Variants in IGF2R observed in about 807,000 individuals in gnomAD.
IGF2R encodes the protein insulin like growth factor 2 receptor.
IGF2R carries 91 observed loss-of-function variants against 270.6 expected under a neutral mutation model. That is an observed-to-expected ratio of 0.34 (90% CI 0.28 to 0.40). The LOEUF is 0.40. Among genes scored for constraint, IGF2R ranks in the 10% least tolerant of loss-of-function variants. The pLI is 1.00. For synonymous variants in IGF2R, 1,316 were observed against 1,258.9 expected, an observed-to-expected ratio of 1.05 and a Z score of -0.96; for missense variants, 2,805 against 3,188.3, an observed-to-expected ratio of 0.88 and a Z score of 2.90.
chr6:159,998,908 A>T lies in IGF2R; in HGVS notation c.289+7585A>T, dbSNP rs1392511920. 6.6e-6 allele frequency among the ~76,000 whole-genome samples: 1 copy of T among 152,250 alleles called. No homozygotes were observed. The highest frequency in any genetic ancestry group is 2.1e-4 in the South Asian group (1 of 4,836). On this transcript the variant is annotated intron_variant, in intron 2 of 47. Coordinates refer to ENST00000356956, the MANE Select transcript of IGF2R (RefSeq NM_000876.4). The surrounding 1 kb of genome is among the most constrained non-coding windows in gnomAD (Gnocchi z 4.1). Reference sequence around the variant, plus strand: ...AAAAGTAAAATATCTCATTTAATTCATTCAACAACCCTTTAAAGTAGGTGA... The same window carrying T: ...AAAAGTAAAATATCTCATTTAATTCTTTCAACAACCCTTTAAAGTAGGTGA...
At chr6:160,090,923 G>C (rs1169909740) in intron 44 of IGF2R, among the ~76,000 whole-genome samples, 1 of 149,498 alleles carries the variant, frequency 6.7e-6, no homozygotes, top group Non-Finnish European at 1.5e-5. Context: ...AGGAGCAGGT[G>C]CTCCGTGCCC....
intron 41 of IGF2R, among the ~76,000 whole-genome samples, chr6:160,086,733 G>A (rs1431659586): frequency 6.6e-6 from 1 of 152,190 alleles, no homozygotes; most frequent in Non-Finnish European, 1.5e-5. Context: ...TGAGTTTGGG[G>A]CAGGCCTGAG....
intron 10 of IGF2R, among the ~76,000 whole-genome samples, chr6:160,038,545 T>C (rs1341998179): frequency 1.3e-5 from 2 of 152,250 alleles, no homozygotes; most frequent in Non-Finnish European, 1.5e-5. Flanking sequence ...CTTACACGTT[T>C]TTCTTCACGT....
At chr6:159,988,854 T>C (rs1783932178) in intron 1 of IGF2R, among the ~76,000 whole-genome samples, 1 of 152,162 alleles carries the variant, frequency 6.6e-6, no homozygotes, top group Non-Finnish European at 1.5e-5. Flanking sequence ...TACTCTCCTG[T>C]GCCTCCCGCA....
rs537695544 is a variant in IGF2R, at chr6:160,000,399, C to T, written c.290-8611C>T. On this transcript the variant is annotated intron_variant, in intron 2 of 47. Coordinates refer to ENST00000356956, the MANE Select transcript of IGF2R (RefSeq NM_000876.4). ...GCACATCTAGTGAGAACTCTTATCA[C>T]GAGACAGCACTTGGGGATGGTGCTA... Among the ~76,000 whole-genome samples the T allele has an allele frequency of 9.2e-5, 14 of 152,224 alleles. No homozygotes were observed. The East Asian group carries it at 2.1e-3, about 23-fold the overall frequency.
chr6:160,038,620 C>G (rs1356891600), intron 10 of IGF2R, among the ~76,000 whole-genome samples: 1 of 152,026 alleles, frequency 6.6e-6, no homozygotes, highest in Non-Finnish European at 1.5e-5. Context: ...TGTGTGTAAA[C>G]CTTGTGGGCG....
chr6:160,011,618 C>T (rs1784337015), intron 4 of IGF2R, among the ~76,000 whole-genome samples: 1 of 135,316 alleles, frequency 7.4e-6, no homozygotes, highest in Non-Finnish European at 1.5e-5. Context: ...GAATAAATTA[C>T]ATTGTTATTA....
At chr6:160,094,247 C>T (rs908657062) in intron 44 of IGF2R, 28 of 323,646 alleles carry the variant, frequency 8.7e-5, no homozygotes, top group Admixed American at 2.1e-4. Context: ...TTATAAATAT[C>T]GTCTTCCTCT....
chr6:160,073,028 G>T (rs1019096979), intron 33 of IGF2R, 144 bp downstream of exon 33: 50 of 1,369,064 alleles, frequency 3.7e-5, no homozygotes, highest in Admixed American at 2.6e-4. Flanking sequence ...CACCCCATGT[G>T]GGGGACACAT....
At chr6:160,069,274 C>G (rs1328797429) in intron 30 of IGF2R, among the ~76,000 whole-genome samples, 2 of 152,078 alleles carry the variant, frequency 1.3e-5, no homozygotes, top group African/African-American at 4.8e-5. Flanking sequence ...TTCATACAGC[C>G]CCACCTGCAT....
At chr6:160,052,571 T>G (rs1270521100) in intron 19 of IGF2R, among the ~76,000 whole-genome samples, 1 of 152,198 alleles carries the variant, frequency 6.6e-6, no homozygotes, top group Non-Finnish European at 1.5e-5. Flanking sequence ...TTCACAGAAT[T>G]GGAAAAAACT....
At chr6:159,975,684 T>TTATA (rs34536101) in intron 1 of IGF2R, among the ~76,000 whole-genome samples, 2,134 of 141,712 alleles carry the variant, frequency 0.015, 28 homozygotes, top group African/African-American at 0.024. Context: ...TTATATATAT[T>TTATA]TATATATATA....
rs1306384067 is a variant in IGF2R at position 160,084,420 on chromosome 6, C to T, written c.6068+236C>T. 6.6e-6 allele frequency among the ~76,000 whole-genome samples: 1 copy of T among 152,148 alleles called. No homozygotes were observed. The highest frequency in any genetic ancestry group is 1.5e-5 in the Non-Finnish European group (1 of 68,028). ...GCTTTGGTGACTGGAAACGGAGCCTCTGGAGCTGGAAGAACCTGGGCGGAC... is the reference window on the plus strand; with the variant it reads ...GCTTTGGTGACTGGAAACGGAGCCTTTGGAGCTGGAAGAACCTGGGCGGAC... On this transcript the variant is annotated intron_variant, in intron 40 of 47. Transcript: ENST00000356956. The surrounding 1 kb of genome is among the most constrained non-coding windows in gnomAD (Gnocchi z 4.6).
chr6:160,079,372 G>A (rs1406957474), intron 37 of IGF2R, among the ~76,000 whole-genome samples: 2 of 152,224 alleles, frequency 1.3e-5, no homozygotes, highest in African/African-American at 4.8e-5. Context: ...GGGAGCAGGA[G>A]GAGCAAGCAA....
chr6:159,969,255 C>CGCCGCCGGCCGGA lies in IGF2R; in HGVS notation c.13_25dup (p.Pro9ArgfsTer53). 9.4e-7 allele frequency: 1 copy of CGCCGCCGGCCGGA among 1,059,574 alleles called. No homozygotes were observed. Among genetic ancestry groups the CGCCGCCGGCCGGA allele is most frequent in the Non-Finnish European group, 1.1e-6 (1 of 881,544 alleles). The allele number at this position is 1,059,574 out of a possible 1,614,324, so 65.6% of individuals were successfully genotyped here. A position where few individuals can be genotyped will look rare whatever the true frequency, so the allele number is the denominator to read the frequency against. On this transcript the variant is annotated frameshift_variant, in exon 1 of 48. Transcript: ENST00000356956. LOFTEE classifies it high-confidence loss of function. ...AGTCCGGGCCCGGCGCGATGGGGGC[C>CGCCGCCGGCCGGA]GCCGCCGGCCGGAGCCCCCACCTGG...
Position 160,050,422 on chromosome 6 carries a change from A to G in IGF2R, c.2515-51A>G, listed in dbSNP as rs1269292137. The G allele has an allele frequency of 2.6e-6, 4 of 1,541,238 alleles. No individual in the cohort carries two copies. Among genetic ancestry groups the G allele is most frequent in the Admixed American group, 3.6e-5 (2 of 55,494 alleles). ...AGAATGTAACCACCACCAATAACGA[A>G]TCGACTGTATCTTCAGGGGGAAAAG... On this transcript the variant is annotated intron_variant, in intron 18 of 47. Transcript: ENST00000356956. The surrounding 1 kb of genome is among the most constrained non-coding windows in gnomAD (Gnocchi z 4.0).
At chr6:160,052,167 A>G (rs1778214449) in intron 19 of IGF2R, among the ~76,000 whole-genome samples, 1 of 152,212 alleles carries the variant, frequency 6.6e-6, no homozygotes, top group South Asian at 2.1e-4. Context: ...GTGCTACTAT[A>G]CTGCAGCCCC....
chr6:160,032,916 C>T (rs760795580), intron 8 of IGF2R, 26 bp from the exon 9 acceptor site: 2 of 1,557,088 alleles, frequency 1.3e-6, no homozygotes, highest in Non-Finnish European at 1.8e-6. Flanking sequence ...AAACAAGCCT[C>T]TTCTTGTTAA....
intron 1 of IGF2R, among the ~76,000 whole-genome samples, chr6:159,978,261 T>C (rs1209520567): frequency 6.6e-6 from 1 of 152,126 alleles, no homozygotes; most frequent in African/African-American, 2.4e-5. Context: ...CATCCCAAAT[T>C]CTGCAGTTCT....
Sources: gnomAD v4.1 joint callset for allele counts (sites outside exome capture counted in the v4.1 genomes callset) on GRCh38, gnomAD v4.1.1 for gene constraint, Gnocchi (gnomAD v3.1) non-coding constraint, MANE v1.5 for transcripts, NCBI Gene and HGNC (gene_info 2026-07-23, HGNC 2026-07-21) for gene names.